Variants in FHIT observed in about 807,000 individuals in gnomAD.
FHIT encodes fragile histidine triad diadenosine triphosphatase.
In FHIT, 19 loss-of-function variants were observed where a neutral mutation model predicts 17.9. The observed-to-expected ratio is 1.06, with a 90% CI of 0.74 to 1.56. FHIT has a LOEUF of 1.56. FHIT is among the 40% of genes most tolerant of loss of function. The probability of loss-of-function intolerance (pLI) is 0.00; values close to 1 mark genes in which losing one functional copy is unlikely to be tolerated. For missense variants in FHIT, 248 were observed against 189.2 expected, an observed-to-expected ratio of 1.31 and a Z score of -1.82; for synonymous variants, 81 against 69.7, an observed-to-expected ratio of 1.16 and a Z score of -0.81.
At chr3:60,536,599 A>G in intron 5 of FHIT, 1 of 360,056 alleles carries the variant, frequency 2.8e-6, no homozygotes, top group Non-Finnish European at 5.0e-6. Flanking sequence ...TCAAGCAAAA[A>G]TTCACCTCCA....
intron 4 of FHIT, among the ~76,000 whole-genome samples, chr3:60,811,005 C>G (rs1211197832): frequency 6.6e-6 from 1 of 152,080 alleles, no homozygotes; most frequent in African/African-American, 2.4e-5. Context: ...TCTCTGTGGC[C>G]TTGGTCAAAT....
At chr3:60,366,588 ATGGGAGTATGTTAGTGATGT>A (rs1467460421) in intron 5 of FHIT, among the ~76,000 whole-genome samples, 3 of 152,138 alleles carry the variant, frequency 2.0e-5, no homozygotes, top group Non-Finnish European at 4.4e-5. Flanking sequence ...ACCACTTATC[ATGGGAGTATGTTAGTGATGT>A]TGGGAATGGC....
chr3:59,840,651 T>C (rs991639015), intron 8 of FHIT, among the ~76,000 whole-genome samples: 1 of 152,146 alleles, frequency 6.6e-6, no homozygotes, highest in East Asian at 1.9e-4. Flanking sequence ...ATCCTCAAAA[T>C]GCAGACACCT....
At chr3:61,143,009 A>C (rs1425057814) in intron 2 of FHIT, among the ~76,000 whole-genome samples, 1 of 152,166 alleles carries the variant, frequency 6.6e-6, no homozygotes. Flanking sequence ...TATCTTTAGT[A>C]AATTTCAGAT....
At chr3:60,032,214 T>C (rs1701029975) in intron 5 of FHIT, among the ~76,000 whole-genome samples, 1 of 152,096 alleles carries the variant, frequency 6.6e-6, no homozygotes, top group African/African-American at 2.4e-5. Context: ...TGTCCTTAAT[T>C]AAAATCATTA....
chr3:60,519,214 T>A (rs2035268964), intron 5 of FHIT, among the ~76,000 whole-genome samples: 1 of 152,196 alleles, frequency 6.6e-6, no homozygotes, highest in African/African-American at 2.4e-5. Flanking sequence ...TGGGCAGATA[T>A]TCTTATGATT....
intron 5 of FHIT, among the ~76,000 whole-genome samples, chr3:60,289,069 C>T (rs1254588605): frequency 6.6e-6 from 1 of 152,136 alleles, no homozygotes; most frequent in Non-Finnish European, 1.5e-5. Context: ...CATAAACACT[C>T]TCCACAAACC....
intron 5 of FHIT, among the ~76,000 whole-genome samples, chr3:60,341,938 A>T (rs1025830501): frequency 6.6e-6 from 1 of 152,160 alleles, no homozygotes; most frequent in Non-Finnish European, 1.5e-5. Context: ...ACCAGCGAGG[A>T]TTAGAAACGT....
chr3:60,781,887 T>A (rs1700400175), intron 4 of FHIT, among the ~76,000 whole-genome samples: 1 of 152,170 alleles, frequency 6.6e-6, no homozygotes. Flanking sequence ...AAGTACAAAG[T>A]GATACTATGA....
intron 5 of FHIT, among the ~76,000 whole-genome samples, chr3:60,429,964 G>A (rs1261321818): frequency 1.3e-5 from 2 of 151,892 alleles, no homozygotes; most frequent in African/African-American, 4.8e-5. Context: ...GCATGAAAAG[G>A]CAACAGAAGA....
chr3:60,235,222 CT>C (rs1704710848), intron 5 of FHIT, among the ~76,000 whole-genome samples: 1 of 118,910 alleles, frequency 8.4e-6, no homozygotes, highest in Non-Finnish European at 1.8e-5. Context: ...AATATCTATG[CT>C]TTTGTTTGTT....
chr3:60,317,476 A>C (rs1709215353), intron 5 of FHIT, among the ~76,000 whole-genome samples: 4 of 151,112 alleles, frequency 2.6e-5, no homozygotes, highest in Non-Finnish European at 5.9e-5. Flanking sequence ...TCAGTAGTTA[A>C]CTACAGCAAA....
chr3:59,929,362 G>GTTTT (rs1559740305), intron 7 of FHIT, among the ~76,000 whole-genome samples: 24 of 92,066 alleles, frequency 2.6e-4, no homozygotes, highest in Non-Finnish European at 3.7e-4. Context: ...TTGTTTTTTT[G>GTTTT]GTTTTTTTTT....
At chr3:60,166,824 T>C (rs1287068930) in intron 5 of FHIT, among the ~76,000 whole-genome samples, 1 of 152,196 alleles carries the variant, frequency 6.6e-6, no homozygotes, top group African/African-American at 2.4e-5. Flanking sequence ...CCTGCCACCT[T>C]AATACCAAAT....
chr3:60,254,997 G>A (rs927508348), intron 5 of FHIT, among the ~76,000 whole-genome samples: 1 of 152,074 alleles, frequency 6.6e-6, no homozygotes, highest in Admixed American at 6.5e-5. Flanking sequence ...TATCTGAGAA[G>A]AATGAAACAG....
At chr3:60,456,877 G>T (rs925618865) in intron 5 of FHIT, among the ~76,000 whole-genome samples, 1 of 152,016 alleles carries the variant, frequency 6.6e-6, no homozygotes, top group Non-Finnish European at 1.5e-5. Context: ...TTACAAGAGA[G>T]GTGAAGGACC....
chr3:61,124,509 T>G (rs1400100842), intron 2 of FHIT, among the ~76,000 whole-genome samples: 1 of 152,138 alleles, frequency 6.6e-6, no homozygotes, highest in East Asian at 1.9e-4. Flanking sequence ...TCATGGTGGC[T>G]GGTTTCAGGC....
intron 8 of FHIT, among the ~76,000 whole-genome samples, chr3:59,839,850 C>T (rs946286459): frequency 4.6e-5 from 7 of 152,096 alleles, no homozygotes; most frequent in Non-Finnish European, 8.8e-5. Flanking sequence ...CGGTTAAGTC[C>T]TGAACATTTT....
chr3:60,337,822 T>A (rs1001605755), intron 5 of FHIT, among the ~76,000 whole-genome samples: 6 of 152,148 alleles, frequency 3.9e-5, no homozygotes, highest in African/African-American at 1.4e-4. Context: ...CTTGGGGGAC[T>A]GGAATGTCTG....
Sources: allele counts gnomAD v4.1 joint callset (sites outside exome capture counted in the v4.1 genomes callset), GRCh38; gene constraint gnomAD v4.1.1; transcripts MANE v1.5; gene names NCBI Gene and HGNC (gene_info 2026-07-23, HGNC 2026-07-21).